Variants in HLA-DOA observed in about 807,000 individuals in gnomAD.
HLA-DOA encodes HLA class II histocompatibility antigen, DO alpha chain.
HLA-DOA carries 27 observed loss-of-function variants against 22.9 expected under a neutral mutation model. The observed-to-expected ratio is 1.18, with a 90% confidence interval of 0.87 to 1.62. HLA-DOA has a LOEUF of 1.62. HLA-DOA is among the 40% of genes most tolerant of loss of function. The probability of loss-of-function intolerance (pLI) is 0.00; values close to 1 mark genes in which losing one functional copy is unlikely to be tolerated. For missense variants in HLA-DOA, 324 were observed against 332.4 expected, an observed-to-expected ratio of 0.97 and a Z score of 0.20; for synonymous variants, 137 against 138.6, an observed-to-expected ratio of 0.99 and a Z score of 0.08.
At position 33,009,527 on chromosome 6, in the gene HLA-DOA, T is replaced by C; in HGVS notation, c.10A>G (p.Arg4Gly). Residue 4 changes from arginine to glycine, a missense_variant, in exon 1 of 5, where the codon AGA (arginine) becomes GGA (glycine). Transcript: ENST00000229829. The surrounding 1 kb of genome is among the most constrained non-coding windows in gnomAD (Gnocchi z 4.8). ...TGGAACCCCAGGACCAGCCCTGCTC[T>C]GAGGGCCATTACACTCTGGTGCTTT... MAL[R>G]AGLVLGFHTL... 6.2e-7 allele frequency: 1 copy of C among 1,603,118 alleles called. No homozygotes were observed. The highest frequency in any genetic ancestry group is 8.5e-7 in the Non-Finnish European group (1 of 1,176,144).
At chr6:33,008,672 A>G (rs1285248645) in intron 1 of HLA-DOA, among the ~76,000 whole-genome samples, 5 of 152,110 alleles carry the variant, frequency 3.3e-5, no homozygotes, top group African/African-American at 1.2e-4. Context: ...TTGCACAGAG[A>G]TGCAGTGCAG....
At chr6:33,007,961 A>G in intron 2 of HLA-DOA, 52 bp downstream of exon 2, 1 of 1,568,314 alleles carries the variant, frequency 6.4e-7, no homozygotes, top group Non-Finnish European at 8.6e-7. Context: ...ACTGGGAGGA[A>G]GTTTCTCTGG....
intron 4 of HLA-DOA, 21 bp from the exon 5 acceptor site, chr6:33,006,862 C>G: frequency 1.3e-6 from 2 of 1,595,296 alleles, no homozygotes; most frequent in South Asian, 1.1e-5. Context: ...AGAAAACATA[C>G]GATCGAGGTT....
chr6:33,009,315 G>A lies in HLA-DOA; in HGVS notation c.82+140C>T, dbSNP rs899921050. 4 of 554,498 alleles carry A rather than the reference G, an allele frequency of 7.2e-6. No homozygotes were observed. The highest frequency in any genetic ancestry group is 3.9e-5 in the African/African-American group (2 of 51,610). 34.3% of individuals were successfully genotyped at this position (554,498 alleles called of 1,614,324 possible). ...AGAGTGGATGTGACAGAGATGAGGGGGATTGGGTGTCTCTTGGTGAAGGAA... is the reference window on the plus strand; with the variant it reads ...AGAGTGGATGTGACAGAGATGAGGGAGATTGGGTGTCTCTTGGTGAAGGAA... On this transcript the variant is annotated intron_variant, in intron 1 of 4. Transcript: ENST00000229829. This position sits in a 1 kb window ranked among gnomAD's most constrained non-coding sequence, Gnocchi z 4.8.
At chr6:33,006,889 C>A in intron 4 of HLA-DOA, 48 bp from the exon 5 acceptor site, 1 of 1,533,426 alleles carries the variant, frequency 6.5e-7, no homozygotes, top group South Asian at 1.1e-5. Flanking sequence ...TTTCAATATG[C>A]TGGGATCCTA....
At position 33,005,131 on chromosome 6, in the gene HLA-DOA, T is replaced by C. The variant is rs1020788504; in HGVS notation, c.*1707A>G. ...CCCCGATGGCACCTGATTACGTCAC[T>C]GGGTTCCAGTTACCAGACCACAGCC... is the stretch of plus-strand genomic sequence containing the variant. On this transcript the variant is annotated 3_prime_UTR_variant, in exon 5 of 5. Coordinates refer to ENST00000229829, the MANE Select transcript of HLA-DOA (RefSeq NM_002119.4). The C allele has an allele frequency of 1.3e-5, 2 of 152,372 alleles. No individual in the cohort carries two copies. The highest frequency in any genetic ancestry group is 4.8e-5 in the African/African-American group (2 of 41,456). The allele number at this position is 152,372 out of a possible 1,614,324, so 9.4% of individuals were successfully genotyped here.
At chr6:33,006,957 T>C (rs1780833605) in intron 4 of HLA-DOA, 116 bp from the exon 5 acceptor site, 5 of 1,474,726 alleles carry the variant, frequency 3.4e-6, no homozygotes, top group Admixed American at 3.4e-5. Context: ...CTGCTTCTTT[T>C]CTCCCTGCCC....
At position 33,007,346 on chromosome 6, in the gene HLA-DOA, T is replaced by C. The variant is rs1369038823; in HGVS notation, c.578A>G (p.His193Arg). The C allele has an allele frequency of 6.2e-7, 1 of 1,610,954 alleles. No individual in the cohort carries two copies. Among genetic ancestry groups the C allele is most frequent in the African/African-American group, 1.3e-5 (1 of 74,854 alleles). ...GAGGAGTGGCGCATCCAGGCCCCAG[T>C]GCTCCACCTGGCAGTCATAGACGTC... The part of the protein sequence containing the change: ...AEDVYDCQVE[H>R]WGLDAPLLRH... The change falls in exon 3 of 5, where the codon CAC becomes CGC. Residue 193 changes from histidine (H) to arginine (R), a missense_variant. His to Arg is a conservative substitution (Grantham distance 29). Transcript: ENST00000229829.
rs770807497 is a variant in HLA-DOA at position 33,006,767 on chromosome 6, C to T, written c.*71G>A. On this transcript the variant is annotated 3_prime_UTR_variant, in exon 5 of 5. Coordinates refer to ENST00000229829, the MANE Select transcript of HLA-DOA (RefSeq NM_002119.4). ...GGATGCACTTAAAGGGCACTGAGCA[C>T]GCAGGGGCTGTCACAAACCCATGAG... is the stretch of plus-strand genomic sequence containing the variant. 29 of 1,612,586 alleles carry T rather than the reference C, an allele frequency of 1.8e-5. No individual in the cohort carries two copies. The highest frequency in any genetic ancestry group is 8.8e-5 in the South Asian group (8 of 91,066).
rs552404381 is a variant in HLA-DOA at position 33,009,478 on chromosome 6, G to A, written c.59C>T (p.Pro20Leu). The change falls in exon 1 of 5, where the codon CCG becomes CTG. Residue 20 changes from proline (P) to leucine (L), a missense_variant. By Grantham distance (98) the Pro-to-Leu change is moderately conservative. Transcript: ENST00000229829. The surrounding 1 kb of genome is among the most constrained non-coding windows in gnomAD (Gnocchi z 4.8). ...ACCCTTGGTGGCCCCTGCCTCCTGCGGGCTCAGGAGGGTCATCAGGGTGTG... is the reference window on the plus strand; with the variant it reads ...ACCCTTGGTGGCCCCTGCCTCCTGCAGGCTCAGGAGGGTCATCAGGGTGTG... The part of the protein sequence containing the change: ...GFHTLMTLLS[P>L]QEAGATKADH... The A allele has an allele frequency of 2.5e-6, 4 of 1,604,420 alleles. No individual in the cohort carries two copies. The highest frequency in any genetic ancestry group is 2.0e-4 in the Middle Eastern group (1 of 5,076).
In HLA-DOA at chr6:33,007,306, C is replaced by G. The variant is rs376677525; in HGVS notation, c.613+5G>C. 1.9e-6 allele frequency: 3 copies of G among 1,613,000 alleles called. No homozygotes were observed. In the East Asian group the frequency reaches 6.7e-5, roughly 36 times the overall value. ...AGGAGGGTGCATGGGGAGGGGGCTC[C>G]GTACCCCAATGCCTGAGGAGTGGCG... is the stretch of plus-strand genomic sequence containing the variant. On this transcript the variant is annotated splice_donor_5th_base_variant and intron_variant, in intron 3 of 4. Coordinates refer to ENST00000229829, the MANE Select transcript of HLA-DOA (RefSeq NM_002119.4).
rs376677525 is a variant in HLA-DOA at position 33,007,306 on chromosome 6, C to T, written c.613+5G>A. On this transcript the variant is annotated splice_donor_5th_base_variant and intron_variant, in intron 3 of 4. Coordinates refer to ENST00000229829, the MANE Select transcript of HLA-DOA (RefSeq NM_002119.4). Reference sequence around the variant, plus strand: ...AGGAGGGTGCATGGGGAGGGGGCTCCGTACCCCAATGCCTGAGGAGTGGCG... The same window carrying T: ...AGGAGGGTGCATGGGGAGGGGGCTCTGTACCCCAATGCCTGAGGAGTGGCG... 113 of 1,612,882 alleles carry T rather than the reference C, an allele frequency of 7.0e-5. No individual in the cohort carries two copies. The highest frequency in any genetic ancestry group is 9.2e-5 in the Non-Finnish European group (108 of 1,179,970).
chr6:33,007,502 G>T lies in HLA-DOA; in HGVS notation c.422C>A (p.Pro141His). ...LICIVDNIFP[P>H]VINITWLRNG... ...GCGCAGCCAGGTGATATTGATCACA[G>T]GGGGGAAGATGTTGTCCACGATGCA... The change falls in exon 3 of 5, where the codon CCT becomes CAT. Residue 141 changes from proline (P) to histidine (H), a missense_variant. Coordinates refer to ENST00000229829, the MANE Select transcript of HLA-DOA (RefSeq NM_002119.4). The T allele has an allele frequency of 6.2e-7, 1 of 1,612,374 alleles. No homozygotes were observed. The highest frequency in any genetic ancestry group is 8.5e-7 in the Non-Finnish European group (1 of 1,179,466).
Position 33,008,259 on chromosome 6 carries a change from C to A in HLA-DOA, c.85G>T (p.Asp29Tyr). Residue 29 changes from aspartate to tyrosine, a missense_variant and splice_region_variant, in exon 2 of 5, where the codon GAC becomes TAC. Physicochemically the swap from Asp to Tyr is radical, Grantham distance 160. Coordinates refer to ENST00000229829, the MANE Select transcript of HLA-DOA (RefSeq NM_002119.4). ...GCGGGTCCGTAGGAGCCCATGTGGT[C>A]AGCTGTGTTTGGCGAGTTCAGGGTC... ...SPQEAGATKA[D>Y]HMGSYGPAFY... is the part of the protein sequence containing the mutation. The A allele has an allele frequency of 6.2e-7, 1 of 1,612,506 alleles. No homozygotes were observed. The highest frequency in any genetic ancestry group is 1.1e-5 in the South Asian group (1 of 90,938).
chr6:33,007,297 A>G lies in HLA-DOA; in HGVS notation c.613+14T>C, dbSNP rs778047338. The stretch of plus-strand genomic sequence containing the variant: ...CCTGGGGCCAGGAGGGTGCATGGGG[A>G]GGGGGCTCCGTACCCCAATGCCTGA... On this transcript the variant is annotated intron_variant, in intron 3 of 4. Coordinates refer to ENST00000229829, the MANE Select transcript of HLA-DOA (RefSeq NM_002119.4). 6.2e-7 allele frequency: 1 copy of G among 1,612,978 alleles called. No individual in the cohort carries two copies. The highest frequency in any genetic ancestry group is 8.5e-7 in the Non-Finnish European group (1 of 1,179,932).
In HLA-DOA at chr6:33,006,068, G is replaced by A. The variant is rs1780797621; in HGVS notation, c.*770C>T. 6.6e-6 allele frequency: 1 copy of A among 152,216 alleles called. No homozygotes were observed. Among genetic ancestry groups the A allele is most frequent in the African/African-American group, 2.4e-5 (1 of 41,424 alleles). 9.4% of individuals were successfully genotyped at this position (152,216 alleles called of 1,614,324 possible). On this transcript the variant is annotated 3_prime_UTR_variant, in exon 5 of 5. Transcript: ENST00000229829. ...CTTCTAGGCCACATATTTAGAGTGT[G>A]TCTAGGTGGACCTCCCCTCTTACGA... is the stretch of plus-strand genomic sequence containing the variant.
chr6:33,008,465 C>G (rs979341740), intron 1 of HLA-DOA: 10 of 1,355,820 alleles, frequency 7.4e-6, no homozygotes, highest in Non-Finnish European at 9.6e-6. Context: ...ACACTGCAGT[C>G]GGCACAGAGA....
rs1780981564 is a variant in HLA-DOA, at chr6:33,009,588, G to A, written c.-52C>T. The A allele has an allele frequency of 2.2e-6, 3 of 1,364,250 alleles. No homozygotes were observed. Among genetic ancestry groups the A allele is most frequent in the Non-Finnish European group, 2.0e-6 (2 of 1,008,306 alleles). 84.5% of individuals were successfully genotyped at this position (1,364,250 alleles called of 1,614,324 possible). A position where few individuals can be genotyped will look rare whatever the true frequency, so the allele number is the denominator to read the frequency against. ...GTCTCAGTCCGTGTGGTGAGGACAGGAACAAGGCGGAGGTAAAGAAGAAGA... is the reference window on the plus strand; with the variant it reads ...GTCTCAGTCCGTGTGGTGAGGACAGAAACAAGGCGGAGGTAAAGAAGAAGA... On this transcript the variant is annotated 5_prime_UTR_variant, in exon 1 of 5. Transcript: ENST00000229829. The surrounding 1 kb of genome is among the most constrained non-coding windows in gnomAD (Gnocchi z 4.8).
At chr6:33,008,406 T>C (rs1780923557) in intron 1 of HLA-DOA, 145 bp from the exon 2 acceptor site, 1 of 1,461,572 alleles carries the variant, frequency 6.8e-7, no homozygotes, top group African/African-American at 1.4e-5. Context: ...GGGCTGGCCC[T>C]GGGAGAGAGA....
Sources: gnomAD v4.1 joint callset for allele counts (sites outside exome capture counted in the v4.1 genomes callset) on GRCh38, gnomAD v4.1.1 for gene constraint, Gnocchi (gnomAD v3.1) non-coding constraint, MANE v1.5 for transcripts, NCBI Gene and HGNC (gene_info 2026-07-23, HGNC 2026-07-21) for gene names.